SQOR: variants seen among roughly 807,000 people sequenced by gnomAD.
The protein encoded by SQOR is sulfide quinone oxidoreductase.
SQOR carries 39 observed loss-of-function variants against 48.6 expected under a neutral mutation model. That is an observed-to-expected ratio of 0.80 (90% CI 0.62 to 1.05). SQOR has a LOEUF of 1.05. Among genes scored for constraint, SQOR ranks in the 50% least tolerant of loss-of-function variants. SQOR has a pLI of 0.00. For missense variants in SQOR, 561 were observed against 559.9 expected, an observed-to-expected ratio of 1.00 and a Z score of -0.02; for synonymous variants, 220 against 206.2, an observed-to-expected ratio of 1.07 and a Z score of -0.57.
At chr15:45,648,223 G>C (rs1204282173) in intron 1 of SQOR, among the ~76,000 whole-genome samples, 1 of 151,870 alleles carries the variant, frequency 6.6e-6, no homozygotes, top group East Asian at 1.9e-4. Context: ...CCGTCACCAG[G>C]CTGGAGTGCA....
intron 1 of SQOR, among the ~76,000 whole-genome samples, chr15:45,643,045 C>T (rs1895133477): frequency 6.6e-6 from 1 of 152,190 alleles, no homozygotes; most frequent in Non-Finnish European, 1.5e-5. Context: ...CAAAGCTGCC[C>T]CTTTGTGCGA....
intron 9 of SQOR, 122 bp from the exon 10 acceptor site, chr15:45,690,851 C>T: frequency 1.2e-6 from 1 of 835,378 alleles, no homozygotes; most frequent in Admixed American, 1.7e-5. Flanking sequence ...ACTAGACAAT[C>T]TTGCTTTACG....
At chr15:45,643,839 G>A (rs1895147981) in intron 1 of SQOR, among the ~76,000 whole-genome samples, 1 of 152,132 alleles carries the variant, frequency 6.6e-6, no homozygotes, top group Non-Finnish European at 1.5e-5. Flanking sequence ...TAAAATAGAT[G>A]TGAAGATTTT....
chr15:45,648,183 GTTTTTTTT>G (rs917863011), intron 1 of SQOR, among the ~76,000 whole-genome samples: 6 of 145,894 alleles, frequency 4.1e-5, no homozygotes, highest in Middle Eastern at 3.5e-3. Context: ...TTGTTTTTTT[GTTTTTTTT>G]TTGAGACGGA....
At chr15:45,653,446 A>G (rs1310743553) in intron 1 of SQOR, among the ~76,000 whole-genome samples, 2 of 152,124 alleles carry the variant, frequency 1.3e-5, no homozygotes, top group South Asian at 2.1e-4. Context: ...GCCATATGGA[A>G]GAGACATATG....
At chr15:45,634,652 T>C (rs28366002), upstream of SQOR, 11 of 152,392 alleles carry the variant, frequency 7.2e-5, no homozygotes, top group East Asian at 1.9e-3. Context: ...GAGGACCCAG[T>C]GGGAACAGCC....
chr15:45,673,510 A>T, intron 4 of SQOR, 97 bp from the exon 5 acceptor site: 1 of 1,321,262 alleles, frequency 7.6e-7, no homozygotes, highest in Non-Finnish European at 1.1e-6. Flanking sequence ...TAATGATAGT[A>T]CTGAAATATT....
chr15:45,690,000 G>A (rs375254880), intron 9 of SQOR, among the ~76,000 whole-genome samples: 9 of 151,762 alleles, frequency 5.9e-5, no homozygotes, highest in African/African-American at 2.2e-4. Flanking sequence ...GGAGGTTAAT[G>A]AGATAACACA....
At chr15:45,650,954 A>G (rs537920719) in intron 1 of SQOR, among the ~76,000 whole-genome samples, 14 of 152,332 alleles carry the variant, frequency 9.2e-5, no homozygotes, top group Admixed American at 3.3e-4. Flanking sequence ...GGCTTCACCT[A>G]GTGGATCCCG....
Position 45,673,659 on chromosome 15 carries a change from C to G in SQOR, c.512C>G (p.Ser171Ter). The G allele has an allele frequency of 1.2e-6, 2 of 1,614,192 alleles. No individual in the cohort carries two copies. The highest frequency in any genetic ancestry group is 1.7e-6 in the Non-Finnish European group (2 of 1,180,032). The change falls in exon 5 of 10, where the codon TCA becomes TGA. Residue 171 changes from serine to a stop codon, truncating the protein, a stop_gained. Transcript: ENST00000260324. LOFTEE classifies it high-confidence loss of function. The part of the protein sequence containing the change: ...FAHPKIGSNY[S>*]VKTVEKTWKA... The stretch of plus-strand genomic sequence containing the variant: ...CATCCCAAAATAGGGTCGAATTATT[C>G]AGTTAAGACTGTAGAGAAGACATGG...
At chr15:45,658,563 A>G (rs1260284391) in intron 1 of SQOR, among the ~76,000 whole-genome samples, 1 of 152,300 alleles carries the variant, frequency 6.6e-6, no homozygotes, top group East Asian at 1.9e-4. Context: ...CAACAGCTGG[A>G]TACAACCAGA....
chr15:45,659,220 G>T, intron 2 of SQOR, 63 bp downstream of exon 2: 1 of 1,322,736 alleles, frequency 7.6e-7, no homozygotes, highest in Non-Finnish European at 1.0e-6. Flanking sequence ...GAGTGTGTGT[G>T]TGTGTGTGTT....
At chr15:45,655,296 A>G (rs1240709547) in intron 1 of SQOR, among the ~76,000 whole-genome samples, 2 of 152,128 alleles carry the variant, frequency 1.3e-5, no homozygotes, top group Non-Finnish European at 2.9e-5. Context: ...GGCTTTTCCC[A>G]TGGAGATAGA....
intron 3 of SQOR, among the ~76,000 whole-genome samples, chr15:45,667,498 G>C (rs1051579461): frequency 6.6e-6 from 1 of 152,114 alleles, no homozygotes; most frequent in Non-Finnish European, 1.5e-5. Flanking sequence ...CTGCTCAAAA[G>C]TCTTGTCTAT....
At chr15:45,690,321 C>G (rs1890300493) in intron 9 of SQOR, among the ~76,000 whole-genome samples, 1 of 152,192 alleles carries the variant, frequency 6.6e-6, no homozygotes, top group Non-Finnish European at 1.5e-5. Context: ...CTGCCTCAGC[C>G]TCCCAAAGTG....
chr15:45,684,182 G>C (rs1325655262), intron 7 of SQOR, among the ~76,000 whole-genome samples: 1 of 152,154 alleles, frequency 6.6e-6, no homozygotes, highest in Non-Finnish European at 1.5e-5. Context: ...CAAAGTGCTA[G>C]GATTACAGGC....
At chr15:45,651,069 G>T (rs188166426) in intron 1 of SQOR, among the ~76,000 whole-genome samples, 2 of 152,172 alleles carry the variant, frequency 1.3e-5, no homozygotes, top group African/African-American at 4.8e-5. Flanking sequence ...AGGGGGCGGC[G>T]CCCATCAGGG....
At chr15:45,638,205 A>G (rs1459632672) in intron 1 of SQOR, among the ~76,000 whole-genome samples, 2 of 152,234 alleles carry the variant, frequency 1.3e-5, no homozygotes, top group Non-Finnish European at 2.9e-5. Context: ...TATGTCTGTA[A>G]CTTTGGGAAG....
intron 9 of SQOR, 75 bp downstream of exon 9, chr15:45,689,292 T>C: frequency 6.9e-7 from 1 of 1,457,444 alleles, no homozygotes; most frequent in Non-Finnish European, 9.5e-7. Context: ...ATGCAGCCTC[T>C]TTTCTTCATT....
Sources: allele counts gnomAD v4.1 joint callset (sites outside exome capture counted in the v4.1 genomes callset), GRCh38; gene constraint gnomAD v4.1.1; transcripts MANE v1.5; gene names NCBI Gene and HGNC (gene_info 2026-07-23, HGNC 2026-07-21).